SH3RF3: variants seen among roughly 807,000 people sequenced by gnomAD.
SH3RF3 encodes E3 ubiquitin-protein ligase SH3RF3.
A neutral mutation model predicts 66.3 loss-of-function variants in SH3RF3; 29 were observed. The ratio of observed to expected loss-of-function variants is 0.44; its 90% CI spans 0.33 to 0.60. The LOEUF is 0.60. Ranked by LOEUF, SH3RF3 falls within the 20% of genes least tolerant of loss-of-function variation. The pLI is 0.04. For synonymous variants in SH3RF3, 583 were observed against 532.0 expected (o/e 1.10, Z -1.32); for missense variants, 1,194 against 1,190.9 (o/e 1.00, Z -0.04).
At chr2:109,346,781 G>A (rs539795341) in intron 1 of SH3RF3, among the ~76,000 whole-genome samples, 1 of 152,292 alleles carries the variant, frequency 6.6e-6, no homozygotes, top group South Asian at 2.1e-4. Flanking sequence ...ACCGAGGATG[G>A]CAGAACAGGT....
At chr2:109,188,508 C>G (rs962484037) in intron 1 of SH3RF3, among the ~76,000 whole-genome samples, 1 of 152,162 alleles carries the variant, frequency 6.6e-6, no homozygotes, top group African/African-American at 2.4e-5. Flanking sequence ...GGCTCTTGGT[C>G]TGGATGAAAG....
At chr2:109,356,647 G>A (rs1682948907) in intron 2 of SH3RF3, among the ~76,000 whole-genome samples, 1 of 152,160 alleles carries the variant, frequency 6.6e-6, no homozygotes, top group Non-Finnish European at 1.5e-5. Context: ...TATTGGTGAC[G>A]TGATGAGGAG....
intron 1 of SH3RF3, among the ~76,000 whole-genome samples, chr2:109,328,337 TC>T (rs1234152562): frequency 6.6e-6 from 1 of 152,178 alleles, no homozygotes; most frequent in Non-Finnish European, 1.5e-5. Flanking sequence ...TCCACCTATT[TC>T]CTTCATGCCA....
At chr2:109,386,965 G>A (rs1044987427) in intron 3 of SH3RF3, among the ~76,000 whole-genome samples, 1 of 152,124 alleles carries the variant, frequency 6.6e-6, no homozygotes, top group Admixed American at 6.5e-5. Flanking sequence ...TGTTTCTAAT[G>A]ACTTTTTCTG....
chr2:109,249,571 C>T (rs1420713790), intron 1 of SH3RF3, among the ~76,000 whole-genome samples: 1 of 129,424 alleles, frequency 7.7e-6, no homozygotes, highest in African/African-American at 3.3e-5. Context: ...TTCCTTCCTT[C>T]CTTCCTTCCT....
chr2:109,419,897 C>T (rs1474297105), intron 5 of SH3RF3, among the ~76,000 whole-genome samples: 4 of 152,190 alleles, frequency 2.6e-5, no homozygotes, highest in Non-Finnish European at 5.9e-5. Context: ...GTGCAGTTCC[C>T]AGTCAACAGG....
At chr2:109,384,618 C>G (rs1399267717) in intron 3 of SH3RF3, among the ~76,000 whole-genome samples, 3 of 152,198 alleles carry the variant, frequency 2.0e-5, no homozygotes, top group East Asian at 1.9e-4. Context: ...GGCCCCTTCT[C>G]TGCCGAGTGC....
At chr2:109,449,038 G>A in intron 7 of SH3RF3, 132 bp from the exon 8 acceptor site, 1 of 1,089,992 alleles carries the variant, frequency 9.2e-7, no homozygotes, top group African/African-American at 1.6e-5. Context: ...GGCCAGGTCT[G>A]TCTGGAGAAA....
intron 8 of SH3RF3, among the ~76,000 whole-genome samples, chr2:109,487,884 G>A (rs977166220): frequency 6.6e-6 from 1 of 152,052 alleles, no homozygotes; most frequent in African/African-American, 2.4e-5. Flanking sequence ...AGGCGCTGGT[G>A]GGGATACTGC....
intron 1 of SH3RF3, among the ~76,000 whole-genome samples, chr2:109,179,240 A>T (rs1460853595): frequency 3.3e-5 from 5 of 152,182 alleles, no homozygotes; most frequent in African/African-American, 4.8e-5. Flanking sequence ...CTGACATGTG[A>T]TCCTTTTTAT....
chr2:109,389,636 C>G (rs1200562500), intron 3 of SH3RF3, among the ~76,000 whole-genome samples: 5 of 152,184 alleles, frequency 3.3e-5, no homozygotes, highest in Admixed American at 2.0e-4. Flanking sequence ...AAATTCTACT[C>G]AAACTTACTG....
At chr2:109,187,887 C>T (rs932504942) in intron 1 of SH3RF3, among the ~76,000 whole-genome samples, 9 of 152,266 alleles carry the variant, frequency 5.9e-5, no homozygotes, top group Admixed American at 1.3e-4. Flanking sequence ...CCGCCGTCAC[C>T]GTGGGTGTTA....
intron 5 of SH3RF3, among the ~76,000 whole-genome samples, chr2:109,424,018 T>G (rs534998387): frequency 6.6e-6 from 1 of 152,322 alleles, no homozygotes; most frequent in African/African-American, 2.4e-5. Context: ...CAGGGCCGGT[T>G]GCAGTGGAGG....
chr2:109,185,966 CCTGGCCTTGG>C (rs1446837329), intron 1 of SH3RF3, among the ~76,000 whole-genome samples: 5 of 152,178 alleles, frequency 3.3e-5, no homozygotes, highest in Non-Finnish European at 7.3e-5. Flanking sequence ...CCAGCAGAGG[CCTGGCCTTGG>C]CTGTCACGAG....
intron 1 of SH3RF3, among the ~76,000 whole-genome samples, chr2:109,199,617 T>TCAATCAAC (rs1678607688): frequency 3.9e-3 from 1 of 258 alleles, no homozygotes; most frequent in Non-Finnish European, 8.5e-3. Context: ...TGGAATGGAA[T>TCAATCAAC]GGAATGGAAT....
At chr2:109,134,084 A>G (rs1272119012) in intron 1 of SH3RF3, among the ~76,000 whole-genome samples, 1 of 152,162 alleles carries the variant, frequency 6.6e-6, no homozygotes, top group African/African-American at 2.4e-5. Context: ...TCTGTTGAAC[A>G]TTTACTGAGT....
intron 2 of SH3RF3, among the ~76,000 whole-genome samples, chr2:109,362,073 AT>A (rs1397362990): frequency 6.6e-6 from 1 of 151,516 alleles, no homozygotes. Flanking sequence ...AATTTCATTG[AT>A]TTCTTCTATT....
intron 1 of SH3RF3, among the ~76,000 whole-genome samples, chr2:109,320,813 G>A (rs1303106421): frequency 6.6e-6 from 1 of 152,176 alleles, no homozygotes; most frequent in African/African-American, 2.4e-5. Flanking sequence ...TACATGGACA[G>A]GCAGAGTGGT....
chr2:109,237,207 A>G (rs1487008996), intron 1 of SH3RF3, among the ~76,000 whole-genome samples: 2 of 152,268 alleles, frequency 1.3e-5, no homozygotes, highest in Non-Finnish European at 2.9e-5. Context: ...GTTTAAAACT[A>G]CTAAAACCAG....
Sources: gnomAD v4.1 joint callset for allele counts (sites outside exome capture counted in the v4.1 genomes callset) on GRCh38, gnomAD v4.1.1 for gene constraint, MANE v1.5 for transcripts, NCBI Gene and HGNC (gene_info 2026-07-23, HGNC 2026-07-21) for gene names.